Variants in CMTM7 observed in about 807,000 individuals in gnomAD.
The protein encoded by CMTM7 is CKLF like MARVEL transmembrane domain containing 7, also known as CKLF-like MARVEL transmembrane domain-containing protein 7.
Under a neutral mutation model 19.3 loss-of-function variants are expected in CMTM7, and 7 were observed. That is an observed-to-expected ratio of 0.36 (90% CI 0.21 to 0.68). The LOEUF (loss-of-function observed/expected upper bound fraction) is 0.68. Ranked by LOEUF, CMTM7 falls within the 30% of genes least tolerant of loss-of-function variation. The probability of loss-of-function intolerance (pLI) is 0.60; values close to 1 mark genes in which losing one functional copy is unlikely to be tolerated. For synonymous variants in CMTM7, 87 were observed against 99.3 expected (o/e 0.88, Z 0.74); for missense variants, 193 against 232.6 (o/e 0.83, Z 1.11).
At chr3:32,438,707 G>C (rs1338816512) in intron 1 of CMTM7, among the ~76,000 whole-genome samples, 6 of 152,172 alleles carry the variant, frequency 3.9e-5, no homozygotes, top group Non-Finnish European at 8.8e-5. Context: ...TCATGAGCAA[G>C]TTTCCCAGAA....
intron 1 of CMTM7, among the ~76,000 whole-genome samples, chr3:32,436,769 A>C (rs1399057787): frequency 6.6e-6 from 1 of 152,108 alleles, no homozygotes; most frequent in Non-Finnish European, 1.5e-5. Flanking sequence ...GACTTGGCAG[A>C]GGCACGAGGG....
intron 1 of CMTM7, among the ~76,000 whole-genome samples, chr3:32,404,374 T>A (rs890786404): frequency 1.3e-5 from 2 of 152,148 alleles, no homozygotes; most frequent in African/African-American, 2.4e-5. Context: ...TTGGCCAGGC[T>A]GGGCTCGAAC....
chr3:32,414,238 T>G (rs1300901791), intron 1 of CMTM7, among the ~76,000 whole-genome samples: 2 of 152,216 alleles, frequency 1.3e-5, no homozygotes, highest in South Asian at 2.1e-4. Context: ...CAGGACCAAA[T>G]GACCAAGCTA....
At chr3:32,439,626 G>A (rs905158357) in intron 1 of CMTM7, among the ~76,000 whole-genome samples, 3 of 152,120 alleles carry the variant, frequency 2.0e-5, no homozygotes, top group Non-Finnish European at 4.4e-5. Context: ...GCTAGTTTTT[G>A]TATTTTTTGT....
intron 2 of CMTM7, among the ~76,000 whole-genome samples, chr3:32,442,270 G>C (rs1284172832): frequency 6.6e-6 from 1 of 151,824 alleles, no homozygotes; most frequent in Non-Finnish European, 1.5e-5. Flanking sequence ...CAGCACTTTG[G>C]GAGGCTGAGG....
In CMTM7 at chr3:32,454,515, T is replaced by C. The variant is rs9868712; in HGVS notation, c.*261T>C. The C allele has an allele frequency of 0.015, 10,515 of 682,630 alleles. 223 individuals are homozygous for C. Among genetic ancestry groups the C allele is most frequent in the African/African-American group, 0.078 (4,420 of 56,970 alleles). The allele number at this position is 682,630 out of a possible 1,614,324, so 42.3% of individuals were successfully genotyped here. A position where few individuals can be genotyped will look rare whatever the true frequency, so the allele number is the denominator to read the frequency against. On this transcript the variant is annotated 3_prime_UTR_variant, in exon 5 of 5. Coordinates refer to ENST00000334983, the MANE Select transcript of CMTM7 (RefSeq NM_138410.4). ...AAGCAGCCTCCAGGGAAATGTTTTC[T>C]GCCTTCCTGCTTCTAGAACCACCTC...
intron 1 of CMTM7, among the ~76,000 whole-genome samples, chr3:32,425,261 G>T (rs1261085674): frequency 6.6e-6 from 1 of 152,028 alleles, no homozygotes; most frequent in Non-Finnish European, 1.5e-5. Flanking sequence ...TATTATTTCG[G>T]CTCCTTATAA....
At chr3:32,451,359 C>T (rs1696826579) in intron 3 of CMTM7, 1 of 152,328 alleles carries the variant, frequency 6.6e-6, no homozygotes, top group African/African-American at 2.4e-5. Context: ...CTGAGAACAC[C>T]TAGGCACCCG....
chr3:32,448,545 G>C (rs916931613), intron 2 of CMTM7, among the ~76,000 whole-genome samples: 10 of 152,210 alleles, frequency 6.6e-5, no homozygotes, highest in African/African-American at 2.4e-4. Context: ...TCTCGGATCT[G>C]ATGTTTAATG....
intron 1 of CMTM7, among the ~76,000 whole-genome samples, chr3:32,402,805 C>T (rs1453027816): frequency 3.3e-5 from 5 of 152,136 alleles, no homozygotes; most frequent in East Asian, 3.9e-4. Context: ...CCTTGTGTTC[C>T]GCCCACCTTG....
At position 32,450,422 on chromosome 3, in the gene CMTM7, GCT is replaced by G. The variant is rs1310027713; in HGVS notation, c.432+877_432+878del. 7.9e-5 allele frequency among the ~76,000 whole-genome samples: 12 copies of G among 152,268 alleles called. No homozygotes were observed. The East Asian group carries it at 2.3e-3, about 29-fold the overall frequency. On this transcript the variant is annotated intron_variant, in intron 3 of 4. Transcript: ENST00000334983. ...AAAAAAGAAAAAGAGAAAAAGAAAA[GCT>G]CTCTCTGTATGTGACATTCATTGTC...
chr3:32,439,921 C>G (rs1449347293), intron 1 of CMTM7, among the ~76,000 whole-genome samples: 1 of 152,186 alleles, frequency 6.6e-6, no homozygotes, highest in South Asian at 2.1e-4. Context: ...TAGCAGCACC[C>G]TGGGCCTCTA....
At chr3:32,420,334 G>A (rs1372647059) in intron 1 of CMTM7, among the ~76,000 whole-genome samples, 1 of 152,244 alleles carries the variant, frequency 6.6e-6, no homozygotes, top group Non-Finnish European at 1.5e-5. Context: ...GTGGCAAGGA[G>A]GCCTGAGAAT....
intron 1 of CMTM7, among the ~76,000 whole-genome samples, chr3:32,441,278 C>T (rs549395868): frequency 2.0e-5 from 3 of 152,318 alleles, no homozygotes; most frequent in Admixed American, 1.3e-4. Flanking sequence ...CCCTTATGAA[C>T]ATGGGGATGA....
chr3:32,448,062 A>C (rs1479916694), intron 2 of CMTM7, among the ~76,000 whole-genome samples: 2 of 152,206 alleles, frequency 1.3e-5, no homozygotes, highest in Non-Finnish European at 2.9e-5. Flanking sequence ...CAAGCAAAGG[A>C]GAGAACAAAA....
chr3:32,412,168 CA>C (rs1319347550), intron 1 of CMTM7, among the ~76,000 whole-genome samples: 1 of 151,858 alleles, frequency 6.6e-6, no homozygotes, highest in East Asian at 1.9e-4. Flanking sequence ...ATGCAGTGGG[CA>C]TGTTAATATA....
chr3:32,395,423 G>A (rs984363914), intron 1 of CMTM7, among the ~76,000 whole-genome samples: 7 of 152,098 alleles, frequency 4.6e-5, no homozygotes, highest in African/African-American at 1.7e-4. Flanking sequence ...GAAGTAACAT[G>A]TTTGATAGAT....
chr3:32,406,321 T>C (rs1039064971), intron 1 of CMTM7, among the ~76,000 whole-genome samples: 19 of 152,232 alleles, frequency 1.2e-4, no homozygotes, highest in Non-Finnish European at 2.5e-4. Context: ...CTTGTACATA[T>C]CATAGTCTTG....
chr3:32,392,337 C>G (rs1016047843), intron 1 of CMTM7, among the ~76,000 whole-genome samples: 2 of 152,240 alleles, frequency 1.3e-5, no homozygotes, highest in African/African-American at 2.4e-5. Flanking sequence ...CGGCCACCCC[C>G]CTGCGAAGCC....
Sources: gnomAD v4.1 joint callset for allele counts (sites outside exome capture counted in the v4.1 genomes callset) on GRCh38, gnomAD v4.1.1 for gene constraint, MANE v1.5 for transcripts, NCBI Gene and HGNC (gene_info 2026-07-23, HGNC 2026-07-21) for gene names.